NHS: variants seen among roughly 807,000 people sequenced by gnomAD.
NHS encodes NHS actin remodeling regulator.
Under a neutral mutation model 72.5 loss-of-function variants are expected in NHS, and 5 were observed. The observed-to-expected ratio is 0.07, with a 90% confidence interval of 0.04 to 0.14. NHS has a LOEUF of 0.14. Ranked by LOEUF, NHS falls within the 10% of genes least tolerant of loss-of-function variation. The probability of loss-of-function intolerance (pLI) is 1.00; values close to 1 mark genes in which losing one functional copy is unlikely to be tolerated. For missense variants in NHS, 1,072 were observed against 1,355.7 expected (o/e 0.79, Z 3.29); for synonymous variants, 464 against 547.7 (o/e 0.85, Z 2.13).
chrX:17,643,425 A>T (rs905241804), intron 1 of NHS, among the ~76,000 whole-genome samples: 1 of 111,564 alleles, frequency 9.0e-6, no homozygotes, highest in African/African-American at 3.3e-5. Flanking sequence ...CAATGAGGTT[A>T]AGGGTTAAAA....
chrX:17,538,013 G>A (rs1035882405), intron 1 of NHS, among the ~76,000 whole-genome samples: 4 of 112,238 alleles, frequency 3.6e-5, no homozygotes, highest in Admixed American at 9.4e-5. Flanking sequence ...CAGCCTGGCT[G>A]TGGAGGCCTC....
At chrX:17,626,228 C>T (rs1165329999) in intron 1 of NHS, among the ~76,000 whole-genome samples, 3 of 111,643 alleles carry the variant, frequency 2.7e-5, no homozygotes, top group African/African-American at 9.8e-5. Context: ...TGCTTAGAAA[C>T]TTGATTAGGA....
chrX:17,599,041 C>T (rs997228035), intron 1 of NHS, among the ~76,000 whole-genome samples: 1 of 112,402 alleles, frequency 8.9e-6, no homozygotes, highest in Admixed American at 9.4e-5. Flanking sequence ...TTTCCCTCTG[C>T]ATCACCCTGG....
intron 1 of NHS, among the ~76,000 whole-genome samples, chrX:17,566,704 T>C (rs981304561): frequency 7.2e-5 from 8 of 111,223 alleles, no homozygotes; most frequent in Non-Finnish European, 1.5e-4. Flanking sequence ...TTTTTTTTTT[T>C]ATTCCAGGAT....
Position 17,731,918 on chromosome X carries a change from G to A in NHS, c.4410G>A (p.Ser1470=), listed in dbSNP as rs1317860443. The change falls in exon 9 of 9, where the codon TCG becomes TCA. Residue 1470 remains serine (S), a synonymous_variant. Transcript: ENST00000676302. ...GGGACATGTCTGTTCGAAGCAAATCGAGAGCTCCCCTCAGCAGTAGCAGCA... is the reference window on the plus strand; with the variant it reads ...GGGACATGTCTGTTCGAAGCAAATCAAGAGCTCCCCTCAGCAGTAGCAGCA... ...DSGDMSVRSK[S]RAPLSSSSSS... The A allele has an allele frequency of 1.7e-5, 21 of 1,210,287 alleles. No homozygotes were observed. Among genetic ancestry groups the A allele is most frequent in the Non-Finnish European group, 1.9e-5 (17 of 894,594 alleles).
chrX:17,731,785 C>A, intron 8 of NHS, 73 bp from the exon 9 acceptor site: 4 of 1,125,873 alleles, frequency 3.6e-6, no homozygotes, highest in Non-Finnish European at 4.7e-6. Flanking sequence ...TGTGTGAATG[C>A]GACTGAATAC....
intron 1 of NHS, among the ~76,000 whole-genome samples, chrX:17,610,533 G>A (rs748197754): frequency 9.0e-6 from 1 of 111,700 alleles, no homozygotes; most frequent in African/African-American, 3.3e-5. Flanking sequence ...ATATTTGGAG[G>A]GGCTAATAGC....
At chrX:17,519,564 G>A (rs2065137411) in intron 1 of NHS, among the ~76,000 whole-genome samples, 1 of 111,712 alleles carries the variant, frequency 9.0e-6, no homozygotes, top group Non-Finnish European at 1.9e-5. Context: ...CTGAGACCCA[G>A]GAGCACTTGC....
intron 1 of NHS, among the ~76,000 whole-genome samples, chrX:17,388,935 G>A (rs757702152): frequency 1.8e-3 from 199 of 109,626 alleles, no homozygotes; most frequent in Non-Finnish European, 2.9e-3. Context: ...CTGGGGCTAG[G>A]CATGCAACTC....
chrX:17,610,163 A>G (rs758025754), intron 1 of NHS, among the ~76,000 whole-genome samples: 10 of 112,111 alleles, frequency 8.9e-5, no homozygotes, highest in Non-Finnish European at 1.7e-4. Context: ...CAGAGTTTCT[A>G]CAGAAGTACT....
intron 5 of NHS, among the ~76,000 whole-genome samples, chrX:17,722,039 C>T (rs942409752): frequency 1.8e-5 from 2 of 112,042 alleles, no homozygotes; most frequent in African/African-American, 6.5e-5. Context: ...TTCATGCTTC[C>T]TTGGATGAAG....
At chrX:17,570,828 T>C (rs1197880394) in intron 1 of NHS, among the ~76,000 whole-genome samples, 1 of 112,051 alleles carries the variant, frequency 8.9e-6, no homozygotes, top group Non-Finnish European at 1.9e-5. Context: ...GCTCTTATTA[T>C]GTTGAGATAC....
At chrX:17,650,756 A>C (rs1024484123) in intron 1 of NHS, among the ~76,000 whole-genome samples, 18 of 112,652 alleles carry the variant, frequency 1.6e-4, no homozygotes, top group African/African-American at 5.2e-4. Context: ...AATAGGAGTC[A>C]ATTAAGATCT....
At chrX:17,568,912 G>A (rs1397266034) in intron 1 of NHS, among the ~76,000 whole-genome samples, 2 of 109,378 alleles carry the variant, frequency 1.8e-5, no homozygotes, top group Admixed American at 9.8e-5. Flanking sequence ...GAGAAAATGC[G>A]GTGTTTGGTT....
At chrX:17,619,035 G>T (rs1478245180) in intron 1 of NHS, among the ~76,000 whole-genome samples, 1 of 111,899 alleles carries the variant, frequency 8.9e-6, no homozygotes, top group Non-Finnish European at 1.9e-5. Flanking sequence ...TTTTTGTTCT[G>T]GACACACAGA....
At chrX:17,566,767 C>T (rs1248125744) in intron 1 of NHS, among the ~76,000 whole-genome samples, 2 of 109,931 alleles carry the variant, frequency 1.8e-5, no homozygotes, top group Non-Finnish European at 3.8e-5. Context: ...TCCGTTACAG[C>T]TTGTGATTAT....
intron 6 of NHS, among the ~76,000 whole-genome samples, chrX:17,724,774 TATAC>T (rs2066430492): frequency 8.9e-6 from 1 of 112,200 alleles, no homozygotes; most frequent in Non-Finnish European, 1.9e-5. Context: ...TTAAGAGAGA[TATAC>T]TTTCATGTCA....
chrX:17,532,484 G>A (rs1216882715), intron 1 of NHS, among the ~76,000 whole-genome samples: 1 of 111,818 alleles, frequency 8.9e-6, no homozygotes, highest in Non-Finnish European at 1.9e-5. Flanking sequence ...GGCACCAGAA[G>A]TGTGCCTTGA....
chrX:17,502,527 C>A (rs1450086972), intron 1 of NHS, among the ~76,000 whole-genome samples: 1 of 18,707 alleles, frequency 5.3e-5, no homozygotes, highest in African/African-American at 1.4e-4. Flanking sequence ...CGGTGGCTCA[C>A]GCCTGTAATC....
Sources: gnomAD v4.1 joint callset for allele counts (sites outside exome capture counted in the v4.1 genomes callset) on GRCh38, gnomAD v4.1.1 for gene constraint, MANE v1.5 for transcripts, NCBI Gene and HGNC (gene_info 2026-07-23, HGNC 2026-07-21) for gene names.